The following BRWD1 variants were observed in gnomAD, a reference collection of about 807,000 sequenced individuals.
The protein encoded by BRWD1 is bromodomain and WD repeat-containing protein 1.
In BRWD1, 82 loss-of-function variants were observed where a neutral mutation model predicts 251.2. The ratio of observed to expected loss-of-function variants is 0.33; its 90% confidence interval spans 0.27 to 0.39. The LOEUF (loss-of-function observed/expected upper bound fraction) is 0.39. Among genes scored for constraint, BRWD1 ranks in the 10% least tolerant of loss-of-function variants. BRWD1 has a pLI of 1.00. For synonymous variants in BRWD1, 918 were observed against 902.8 expected, an observed-to-expected ratio of 1.02 and a Z score of -0.30; for missense variants, 2,233 against 2,711.6, an observed-to-expected ratio of 0.82 and a Z score of 3.92.
chr21:39,198,554 A>G (rs914925482), intron 40 of BRWD1, among the ~76,000 whole-genome samples: 1 of 152,202 alleles, frequency 6.6e-6, no homozygotes, highest in Non-Finnish European at 1.5e-5. Flanking sequence ...TGTTAGGTGA[A>G]TAAAATTATA....
chr21:39,226,188 C>A (rs2033375801), intron 27 of BRWD1, among the ~76,000 whole-genome samples: 2 of 152,184 alleles, frequency 1.3e-5, no homozygotes, highest in South Asian at 2.1e-4. Flanking sequence ...TAAGTTTTCT[C>A]ATAATAAAAG....
rs1568852271 is a variant in BRWD1 at position 39,196,657 on chromosome 21, C to G, written c.6412G>C (p.Val2138Leu). 8 of 1,613,842 alleles carry G rather than the reference C, an allele frequency of 5.0e-6. No homozygotes were observed. In the South Asian group the frequency reaches 8.8e-5, roughly 18 times the overall value. Reference protein sequence around the residue: ...RKRSHPELENVKISETTGNSK... With the variant: ...RKRSHPELENLKISETTGNSK... Reference sequence around the variant, plus strand: ...TTCCCAGTTGTTTCAGAGATTTTCACATTTTCCAATTCAGGATGCGATCTC... The same window carrying G: ...TTCCCAGTTGTTTCAGAGATTTTCAGATTTTCCAATTCAGGATGCGATCTC... Residue 2138 changes from valine to leucine, a missense_variant, in exon 41 of 41, where the codon GTG (valine) becomes CTG (leucine). Around this residue, in one of 12 missense-constraint regions of BRWD1, gnomAD observed 928 missense variants for 970.0 expected, o/e 0.96. Transcript: ENST00000342449.
intron 21 of BRWD1, among the ~76,000 whole-genome samples, chr21:39,242,020 C>A (rs73357900): frequency 0.023 from 3,468 of 152,232 alleles, 134 homozygotes; most frequent in African/African-American, 0.08. Context: ...TGCAATTAGA[C>A]CTACTAATAA....
At chr21:39,298,849 A>G (rs1227283283) in intron 4 of BRWD1, among the ~76,000 whole-genome samples, 1 of 152,190 alleles carries the variant, frequency 6.6e-6, no homozygotes, top group African/African-American at 2.4e-5. Flanking sequence ...ATGACCTGGA[A>G]AAGCACCTCT....
intron 33 of BRWD1, 93 bp downstream of exon 33, chr21:39,213,388 C>T (rs2032747910): frequency 1.0e-6 from 1 of 999,018 alleles, no homozygotes; most frequent in Non-Finnish European, 1.5e-6. Context: ...TGGACTACTA[C>T]AAGAGTTGGT....
chr21:39,297,922 T>C (rs1394684447), intron 5 of BRWD1: 3 of 985,014 alleles, frequency 3.0e-6, no homozygotes, highest in Non-Finnish European at 3.6e-6. Context: ...AACATTTTGC[T>C]AGCACATAAC....
chr21:39,185,295 T>TAAGAAAAAAAAAAAA (rs2031155096), downstream of BRWD1: 2 of 71,838 alleles, frequency 2.8e-5, no homozygotes, highest in Non-Finnish European at 5.5e-5. Flanking sequence ...CTGAAATTGC[T>TAAGAAAAAAAAAAAA]AAAAAAAAAA....
Position 39,187,358 on chromosome 21 carries a change from T to G in BRWD1, c.*8901A>C, listed in dbSNP as rs2031297725. 1 of 1,612,744 alleles carries G rather than the reference T, an allele frequency of 6.2e-7. No homozygotes were observed. The highest frequency in any genetic ancestry group is 2.2e-5 in the East Asian group (1 of 44,856). ...TCACTAGGCATCTGCACTGCATCCTTCTGATTATGCATACATGTTCTCACT... is the reference window on the plus strand; with the variant it reads ...TCACTAGGCATCTGCACTGCATCCTGCTGATTATGCATACATGTTCTCACT... On this transcript the variant is annotated 3_prime_UTR_variant, in exon 41 of 41. Transcript: ENST00000342449.
chr21:39,283,792 G>C (rs1470794885), intron 8 of BRWD1, among the ~76,000 whole-genome samples: 1 of 152,062 alleles, frequency 6.6e-6, no homozygotes, highest in African/African-American at 2.4e-5. Flanking sequence ...ACCATGTTTT[G>C]TTATGCCCCC....
At chr21:39,283,080 A>G (rs1005572874) in intron 8 of BRWD1, among the ~76,000 whole-genome samples, 13 of 152,034 alleles carry the variant, frequency 8.6e-5, no homozygotes, top group African/African-American at 2.9e-4. Flanking sequence ...TGTCCCACTT[A>G]TATCTTCATC....
At chr21:39,274,302 A>T in intron 13 of BRWD1, 72 bp downstream of exon 13, 1 of 1,060,306 alleles carries the variant, frequency 9.4e-7, no homozygotes. Context: ...AGACACAGAG[A>T]GCGAGAGAGA....
intron 23 of BRWD1, among the ~76,000 whole-genome samples, chr21:39,236,352 A>C (rs765773561): frequency 6.6e-6 from 1 of 151,988 alleles, no homozygotes; most frequent in Non-Finnish European, 1.5e-5. Context: ...AAAGTAGGAG[A>C]CAGAGGAGTC....
At chr21:39,319,634 A>C (rs976540703) in intron 1 of BRWD1, among the ~76,000 whole-genome samples, 3 of 152,236 alleles carry the variant, frequency 2.0e-5, no homozygotes, top group African/African-American at 4.8e-5. Flanking sequence ...ATTTCCATGC[A>C]TTATTTAAGG....
chr21:39,232,696 C>T (rs1319398073), intron 23 of BRWD1, among the ~76,000 whole-genome samples, 198 bp from the exon 24 acceptor site: 1 of 152,114 alleles, frequency 6.6e-6, no homozygotes, highest in Non-Finnish European at 1.5e-5. Context: ...GTAAATCTAC[C>T]TAACATTTTC....
intron 18 of BRWD1, among the ~76,000 whole-genome samples, chr21:39,257,625 T>C (rs2146632153): frequency 6.6e-6 from 1 of 152,174 alleles, no homozygotes; most frequent in Middle Eastern, 3.4e-3. Context: ...GGACTCAAAA[T>C]TAGATAGCAG....
At chr21:39,293,379 G>C (rs1370840757) in intron 8 of BRWD1, among the ~76,000 whole-genome samples, 1 of 151,664 alleles carries the variant, frequency 6.6e-6, no homozygotes, top group Non-Finnish European at 1.5e-5. Flanking sequence ...TGTAATTCTA[G>C]CTACTCGGGA....
At chr21:39,270,189 AAAC>A (rs2035054669) in intron 14 of BRWD1, 91 bp downstream of exon 14, 10 of 1,277,290 alleles carry the variant, frequency 7.8e-6, no homozygotes, top group South Asian at 5.6e-5. Flanking sequence ...TACATGAGAG[AAAC>A]AACTTGTTCA....
At chr21:39,199,881 G>C (rs1192217107) in intron 39 of BRWD1, among the ~76,000 whole-genome samples, 4 of 152,124 alleles carry the variant, frequency 2.6e-5, no homozygotes, top group African/African-American at 7.2e-5. Flanking sequence ...CTCCTGAGTA[G>C]CTGGGATTAC....
intron 25 of BRWD1, 41 bp from the exon 26 acceptor site, chr21:39,229,477 T>C: frequency 6.5e-7 from 1 of 1,536,674 alleles, no homozygotes; most frequent in Non-Finnish European, 9.0e-7. Flanking sequence ...ATAAAAGCAA[T>C]TCCTTAATAC....
Sources: gnomAD v4.1 joint callset for allele counts (sites outside exome capture counted in the v4.1 genomes callset) on GRCh38, gnomAD v4.1.1 for gene constraint, gnomAD v4.1.1 regional missense constraint, MANE v1.5 for transcripts, NCBI Gene and HGNC (gene_info 2026-07-23, HGNC 2026-07-21) for gene names.